Variants in KBTBD13 observed in about 807,000 individuals in gnomAD.
KBTBD13 encodes kelch repeat and BTB domain containing 13, also known as kelch repeat and BTB domain-containing protein 13.
A neutral mutation model predicts 25.4 loss-of-function variants in KBTBD13; 32 were observed. That is an observed-to-expected ratio of 1.26 (90% CI 0.95 to 1.69). KBTBD13 has a LOEUF of 1.69. Among genes scored for constraint, KBTBD13 ranks in the 40% most tolerant of loss-of-function variants. The pLI, the probability that KBTBD13 is intolerant of heterozygous loss-of-function variation, is 0.00. For synonymous variants in KBTBD13, 436 were observed against 329.8 expected, an observed-to-expected ratio of 1.32 and a Z score of -3.49; for missense variants, 898 against 679.5, an observed-to-expected ratio of 1.32 and a Z score of -3.57.
rs753529968 is a variant in KBTBD13 at position 65,076,839 on chromosome 15, G to A, written c.24G>A (p.Leu8=). 176 of 1,554,032 alleles carry A rather than the reference G, an allele frequency of 1.1e-4. No individual in the cohort carries two copies. Among genetic ancestry groups the A allele is most frequent in the Non-Finnish European group, 1.4e-4 (166 of 1,156,228 alleles). The part of the protein sequence containing the change: MARGPQT[L]VQVWVGGQLF... The stretch of plus-strand genomic sequence containing the variant: ...CCATGGCACGGGGTCCACAGACCCT[G>A]GTGCAGGTGTGGGTGGGCGGCCAGC... Residue 8 remains leucine (L), a synonymous_variant, in exon 1 of 1, where the codon CTG becomes CTA. Coordinates refer to ENST00000432196, the MANE Select transcript of KBTBD13 (RefSeq NM_001101362.3).
Position 65,076,963 on chromosome 15 carries a change from C to G in KBTBD13, c.148C>G (p.Leu50Val). The G allele has an allele frequency of 6.5e-7, 1 of 1,547,594 alleles. No individual in the cohort carries two copies. The highest frequency in any genetic ancestry group is 1.9e-5 in the Admixed American group (1 of 52,934). Residue 50 changes from leucine (L) to valine (V), a missense_variant, in exon 1 of 1, where the codon CTG becomes GTG. By Grantham distance (32) the Leu-to-Val change is conservative (BLOSUM62 1). Coordinates refer to ENST00000432196, the MANE Select transcript of KBTBD13 (RefSeq NM_001101362.3). ...MRETRAAEVR[L>V]GVLSAGGFRA... Reference sequence around the variant, plus strand: ...GGAGACCCGCGCAGCAGAGGTGCGCCTGGGCGTTCTGAGCGCGGGAGGTTT... The same window carrying G: ...GGAGACCCGCGCAGCAGAGGTGCGCGTGGGCGTTCTGAGCGCGGGAGGTTT...
chr15:65,078,159 T>G lies in KBTBD13; in HGVS notation c.1344T>G (p.Pro448=). ...TCCTAAGGCTGCCTCCTGGCGCTCC[T>G]GGGCCTGTGACTTCGACAACGGCAG... ...TFLLRLPPGA[P]GPVTSTTAEL Residue 448 remains proline (P), a synonymous_variant, in exon 1 of 1, where the codon CCT becomes CCG. Coordinates refer to ENST00000432196, the MANE Select transcript of KBTBD13 (RefSeq NM_001101362.3). The G allele has an allele frequency of 6.5e-7, 1 of 1,544,768 alleles. No individual in the cohort carries two copies. Among genetic ancestry groups the G allele is most frequent in the South Asian group, 1.2e-5 (1 of 84,438 alleles).
chr15:65,078,278 C>T lies in KBTBD13; in HGVS notation c.*86C>T. Reference sequence around the variant, plus strand: ...TGTGTGAGGCCGGCCTTAGAAGTAGCTGGCAACTTCCCTCTTTCTACTGAG... The same window carrying T: ...TGTGTGAGGCCGGCCTTAGAAGTAGTTGGCAACTTCCCTCTTTCTACTGAG... On this transcript the variant is annotated 3_prime_UTR_variant, in exon 1 of 1. Transcript: ENST00000432196. 6.8e-7 allele frequency: 1 copy of T among 1,467,580 alleles called. No individual in the cohort carries two copies. The highest frequency in any genetic ancestry group is 9.0e-7 in the Non-Finnish European group (1 of 1,110,934). 90.9% of individuals were successfully genotyped at this position (1,467,580 alleles called of 1,614,324 possible).
rs760037629 is a variant in KBTBD13, at chr15:65,077,539, C to G, written c.724C>G (p.Pro242Ala). ...CGACGGCGGCACGTGGCACGAGTTC[C>G]CCAGCCCGCACCAGCCGCGCTATGA... ...DPDGGTWHEFPSPHQPRYDTA... is the reference protein window; with the variant it reads ...DPDGGTWHEFASPHQPRYDTA... The change falls in exon 1 of 1, where the codon CCC (proline) becomes GCC (alanine). Residue 242 changes from proline (P) to alanine (A), a missense_variant. Coordinates refer to ENST00000432196, the MANE Select transcript of KBTBD13 (RefSeq NM_001101362.3). The G allele has an allele frequency of 6.5e-7, 1 of 1,534,604 alleles. No homozygotes were observed. The highest frequency in any genetic ancestry group is 1.4e-5 in the African/African-American group (1 of 72,962).
chr15:65,077,969 A>T lies in KBTBD13; in HGVS notation c.1154A>T (p.Gln385Leu). The T allele has an allele frequency of 1.2e-6, 2 of 1,611,154 alleles. No homozygotes were observed. The highest frequency in any genetic ancestry group is 1.1e-5 in the South Asian group (1 of 91,086). ...ATGQWTALPG[Q>L]FVNSKGALFT... The stretch of plus-strand genomic sequence containing the variant: ...GGCCAGTGGACGGCGCTGCCCGGCC[A>T]GTTCGTCAACAGCAAGGGAGCGCTC... Residue 385 changes from glutamine (Q) to leucine (L), a missense_variant, in exon 1 of 1, where the codon CAG (glutamine) becomes CTG (leucine). Coordinates refer to ENST00000432196, the MANE Select transcript of KBTBD13 (RefSeq NM_001101362.3).
rs75894955 is a variant in KBTBD13 at position 65,079,267 on chromosome 15, C to T, written c.*1075C>T. 4.1e-3 allele frequency among the ~76,000 whole-genome samples: 629 copies of T among 152,298 alleles called. 13 individuals are homozygous for T. The highest frequency in any genetic ancestry group is 0.029 in the Admixed American group (449 of 15,298). ...TTCTACAGGTTTGTTCTCTTCCTGT[C>T]CTATTCTGCCCTTTGCAATTCCCTG... On this transcript the variant is annotated 3_prime_UTR_variant, in exon 1 of 1. Coordinates refer to ENST00000432196, the MANE Select transcript of KBTBD13 (RefSeq NM_001101362.3).
rs184130258 is a variant in KBTBD13, at chr15:65,077,796, C to T, written c.981C>T (p.Thr327=). 4 of 1,593,792 alleles carry T rather than the reference C, an allele frequency of 2.5e-6. No individual in the cohort carries two copies. Among genetic ancestry groups the T allele is most frequent in the South Asian group, 1.1e-5 (1 of 89,240 alleles). ...CCGTGGTGGAGTACGCAGTGCGGAC[C>T]GACGCGTGGCTGCCAGTGGCCGAGC... ...TTAVVEYAVR[T]DAWLPVAELR... Residue 327 remains threonine (T), a synonymous_variant, in exon 1 of 1, where the codon ACC becomes ACT. Coordinates refer to ENST00000432196, the MANE Select transcript of KBTBD13 (RefSeq NM_001101362.3).
At position 65,077,697 on chromosome 15, in the gene KBTBD13, G is replaced by T; in HGVS notation, c.882G>T (p.Pro294=). Reference sequence around the variant, plus strand: ...GTTTCGTGGCCGACCTGCCGCAGCCGGCCGCCGGCGTGCCCTGCGCCCAGG... The same window carrying T: ...GTTTCGTGGCCGACCTGCCGCAGCCTGCCGCCGGCGTGCCCTGCGCCCAGG... ...CWSFVADLPQ[P]AAGVPCAQAC... The change falls in exon 1 of 1, where the codon CCG becomes CCT. Residue 294 remains proline (P), a synonymous_variant. Coordinates refer to ENST00000432196, the MANE Select transcript of KBTBD13 (RefSeq NM_001101362.3). 1 of 1,577,512 alleles carries T rather than the reference G, an allele frequency of 6.3e-7. No homozygotes were observed. Among genetic ancestry groups the T allele is most frequent in the Non-Finnish European group, 8.6e-7 (1 of 1,167,302 alleles).
At position 65,076,821 on chromosome 15, in the gene KBTBD13, A is replaced by T. The variant is rs763456558; in HGVS notation, c.6A>T (p.Ala2=). ...CTCCGCCCGGCCAGCTCGCCATGGCACGGGGTCCACAGACCCTGGTGCAGG... is the reference window on the plus strand; with the variant it reads ...CTCCGCCCGGCCAGCTCGCCATGGCTCGGGGTCCACAGACCCTGGTGCAGG... M[A]RGPQTLVQVW... Residue 2 remains alanine (A), a synonymous_variant, in exon 1 of 1, where the codon GCA becomes GCT. Transcript: ENST00000432196. The T allele has an allele frequency of 6.5e-7, 1 of 1,531,898 alleles. No homozygotes were observed. The highest frequency in any genetic ancestry group is 1.2e-5 in the South Asian group (1 of 83,822). The allele number at this position is 1,531,898 out of a possible 1,614,324, so 94.9% of individuals were successfully genotyped here.
At position 65,078,071 on chromosome 15, in the gene KBTBD13, G is replaced by A; in HGVS notation, c.1256G>A (p.Gly419Asp). The change falls in exon 1 of 1, where the codon GGC (glycine) becomes GAC (aspartate). Residue 419 changes from glycine (G) to aspartate (D), a missense_variant. Physicochemically the swap from Gly to Asp is moderately conservative, Grantham distance 94. Coordinates refer to ENST00000432196, the MANE Select transcript of KBTBD13 (RefSeq NM_001101362.3). ...ACGCTGCTCTACGCCATCGAGGGCG[G>A]CACCTGGCGGCTGCTCAGGGAGAAA... ...MFTLLYAIEGGTWRLLREKAG... is the reference protein window; with the variant it reads ...MFTLLYAIEGDTWRLLREKAG... The A allele has an allele frequency of 6.3e-7, 1 of 1,598,292 alleles. No homozygotes were observed.
At position 65,077,895 on chromosome 15, in the gene KBTBD13, T is replaced by A. The variant is rs775916927; in HGVS notation, c.1080T>A (p.Pro360=). The change falls in exon 1 of 1, where the codon CCT becomes CCA. Residue 360 remains proline (P), a synonymous_variant. Transcript: ENST00000432196. The part of the protein sequence containing the change: ...RDSLYVVRNG[P]SDDFLHCAID... Reference sequence around the variant, plus strand: ...GCCTCTATGTGGTGCGCAACGGACCTTCCGACGACTTCCTGCACTGCGCCA... The same window carrying A: ...GCCTCTATGTGGTGCGCAACGGACCATCCGACGACTTCCTGCACTGCGCCA... 1.7e-5 allele frequency: 27 copies of A among 1,611,776 alleles called. No individual in the cohort carries two copies. Among genetic ancestry groups the A allele is most frequent in the Non-Finnish European group, 2.3e-5 (27 of 1,179,788 alleles).
chr15:65,077,155 G>A lies in KBTBD13; in HGVS notation c.340G>A (p.Ala114Thr), dbSNP rs1344068633. The change falls in exon 1 of 1, where the codon GCC (alanine) becomes ACC (threonine). Residue 114 changes from alanine (A) to threonine (T), a missense_variant. Transcript: ENST00000432196. ...CTGCGCATTGCTGTGCGACGCGGCC[G>A]CCGCCTTCGGCCTGCGCGACGTGTT... ...DNCALLCDAAAAFGLRDVFHS... is the reference protein window; with the variant it reads ...DNCALLCDAATAFGLRDVFHS... 9 of 1,509,186 alleles carry A rather than the reference G, an allele frequency of 6.0e-6. No individual in the cohort carries two copies. The highest frequency in any genetic ancestry group is 7.1e-6 in the Non-Finnish European group (8 of 1,134,158). 93.5% of individuals were successfully genotyped at this position (1,509,186 alleles called of 1,614,324 possible).
chr15:65,077,345 T>A lies in KBTBD13; in HGVS notation c.530T>A (p.Leu177Gln). Residue 177 changes from leucine to glutamine, a missense_variant, in exon 1 of 1, where the codon CTG becomes CAG. Leu to Gln is a moderately radical substitution (Grantham distance 113, BLOSUM62 -2). Coordinates refer to ENST00000432196, the MANE Select transcript of KBTBD13 (RefSeq NM_001101362.3). ...PGFLEDASRT[L>Q]CYLDEEEDAW... ...TTCCTGGAGGACGCCTCGCGCACGC[T>A]GTGTTACCTGGACGAGGAAGAGGAC... 6.8e-7 allele frequency: 1 copy of A among 1,472,584 alleles called. No homozygotes were observed. The highest frequency in any genetic ancestry group is 9.0e-7 in the Non-Finnish European group (1 of 1,112,434). 91.2% of individuals were successfully genotyped at this position (1,472,584 alleles called of 1,614,324 possible).
rs942282964 is a variant in KBTBD13, at chr15:65,079,924, A to T, written c.*1732A>T. 6.6e-6 allele frequency among the ~76,000 whole-genome samples: 1 copy of T among 152,066 alleles called. No individual in the cohort carries two copies. The highest frequency in any genetic ancestry group is 1.5e-5 in the Non-Finnish European group (1 of 68,006). ...CCTAGTCTGATAAGTCTCAACAATA[A>T]ACCCTGACTTTTGCATCTTGTGAAT... On this transcript the variant is annotated 3_prime_UTR_variant, in exon 1 of 1. Coordinates refer to ENST00000432196, the MANE Select transcript of KBTBD13 (RefSeq NM_001101362.3).
At position 65,078,314 on chromosome 15, in the gene KBTBD13, T is replaced by G; in HGVS notation, c.*122T>G. On this transcript the variant is annotated 3_prime_UTR_variant, in exon 1 of 1. Transcript: ENST00000432196. ...CCTCTTTCTACTGAGACACCCAGGTTTGGTGCCTTCTGGTGGTGTGGACAT... is the reference window on the plus strand; with the variant it reads ...CCTCTTTCTACTGAGACACCCAGGTGTGGTGCCTTCTGGTGGTGTGGACAT... The G allele has an allele frequency of 7.3e-7, 1 of 1,372,140 alleles. No individual in the cohort carries two copies. The highest frequency in any genetic ancestry group is 9.7e-7 in the Non-Finnish European group (1 of 1,032,752). The allele number at this position is 1,372,140 out of a possible 1,614,324, so 85.0% of individuals were successfully genotyped here.
rs999785767 is a variant in KBTBD13, at chr15:65,077,066, G to C, written c.251G>C (p.Cys84Ser). ...GACGAGCTGCTGCAGGCCGTGGAGT[G>C]CGCCGCCTTCCTCCAGGCGCCGGCG... The part of the protein sequence containing the change: ...AEDELLQAVE[C>S]AAFLQAPALA... The change falls in exon 1 of 1, where the codon TGC (cysteine) becomes TCC (serine). Residue 84 changes from cysteine (C) to serine (S), a missense_variant. Coordinates refer to ENST00000432196, the MANE Select transcript of KBTBD13 (RefSeq NM_001101362.3). 2.3e-5 allele frequency: 35 copies of C among 1,514,776 alleles called. No individual in the cohort carries two copies. The highest frequency in any genetic ancestry group is 3.7e-5 in the South Asian group (3 of 81,820). 93.8% of individuals were successfully genotyped at this position (1,514,776 alleles called of 1,614,324 possible). A position where few individuals can be genotyped will look rare whatever the true frequency, so the allele number is the denominator to read the frequency against.
At position 65,077,067 on chromosome 15, in the gene KBTBD13, C is replaced by T. The variant is rs886051334; in HGVS notation, c.252C>T (p.Cys84=). The change falls in exon 1 of 1, where the codon TGC becomes TGT. Residue 84 remains cysteine (C), a synonymous_variant. Transcript: ENST00000432196. ...AEDELLQAVE[C]AAFLQAPALA... The stretch of plus-strand genomic sequence containing the variant: ...ACGAGCTGCTGCAGGCCGTGGAGTG[C>T]GCCGCCTTCCTCCAGGCGCCGGCGC... The T allele has an allele frequency of 2.6e-5, 39 of 1,514,540 alleles. 1 individual carries two copies. The Middle Eastern group carries it at 5.2e-4, about 20-fold the overall frequency. The allele number at this position is 1,514,540 out of a possible 1,614,324, so 93.8% of individuals were successfully genotyped here.
rs572874005 is a variant in KBTBD13, at chr15:65,079,786, G to A, written c.*1594G>A. Among the ~76,000 whole-genome samples the A allele has an allele frequency of 3.9e-5, 6 of 152,190 alleles. No homozygotes were observed. The highest frequency in any genetic ancestry group is 7.2e-5 in the African/African-American group (3 of 41,436). On this transcript the variant is annotated 3_prime_UTR_variant, in exon 1 of 1. Coordinates refer to ENST00000432196, the MANE Select transcript of KBTBD13 (RefSeq NM_001101362.3). ...AATGCAGTGTCAGCATGACACCTCCGGGGCATGGAGGCTCGCGCCAGGGCT... is the reference window on the plus strand; with the variant it reads ...AATGCAGTGTCAGCATGACACCTCCAGGGCATGGAGGCTCGCGCCAGGGCT...
Position 65,078,107 on chromosome 15 carries a change from C to A in KBTBD13, c.1292C>A (p.Pro431Gln). The change falls in exon 1 of 1, where the codon CCG becomes CAG. Residue 431 changes from proline (P) to glutamine (Q), a missense_variant. Coordinates refer to ENST00000432196, the MANE Select transcript of KBTBD13 (RefSeq NM_001101362.3). ...CTGCTCAGGGAGAAAGCCGGCTTCC[C>A]GCGGCCCGGCTCCTTGCAGACCTTT... ...WRLLREKAGF[P>Q]RPGSLQTFLL... The A allele has an allele frequency of 6.3e-7, 1 of 1,578,512 alleles. No individual in the cohort carries two copies. Among genetic ancestry groups the A allele is most frequent in the South Asian group, 1.1e-5 (1 of 87,540 alleles).
Sources: allele counts gnomAD v4.1 joint callset (sites outside exome capture counted in the v4.1 genomes callset), GRCh38; gene constraint gnomAD v4.1.1; transcripts MANE v1.5; gene names NCBI Gene and HGNC (gene_info 2026-07-23, HGNC 2026-07-21).